The following VAT1L variants were observed in gnomAD, a reference collection of about 807,000 sequenced individuals.
VAT1L encodes the protein vesicle amine transport 1 like.
Under a neutral mutation model 44.1 loss-of-function variants are expected in VAT1L, and 34 were observed. The ratio of observed to expected loss-of-function variants is 0.77; its 90% CI spans 0.59 to 1.03. The LOEUF (loss-of-function observed/expected upper bound fraction) is 1.03, where lower values mean the gene tolerates loss of function less well. VAT1L is among the 50% of genes least tolerant of loss of function. VAT1L has a pLI of 0.00. For synonymous variants in VAT1L, 253 were observed against 202.2 expected, an observed-to-expected ratio of 1.25 and a Z score of -2.13; for missense variants, 615 against 538.8, an observed-to-expected ratio of 1.14 and a Z score of -1.40.
chr16:77,813,165 T>C (rs2016294408), intron 1 of VAT1L, among the ~76,000 whole-genome samples: 2 of 152,056 alleles, frequency 1.3e-5, no homozygotes, highest in African/African-American at 4.8e-5. Flanking sequence ...TTTTTTATTT[T>C]ATTTTATTTT....
intron 3 of VAT1L, among the ~76,000 whole-genome samples, chr16:77,830,152 T>C (rs138203360): frequency 7.9e-4 from 120 of 152,224 alleles, no homozygotes; most frequent in African/African-American, 2.7e-3. Context: ...CCTGACCTTC[T>C]CACTCTACTC....
intron 3 of VAT1L, among the ~76,000 whole-genome samples, chr16:77,857,057 C>A (rs951881832): frequency 1.3e-5 from 2 of 152,312 alleles, no homozygotes; most frequent in East Asian, 3.9e-4. Flanking sequence ...GAAGCCGCAG[C>A]TGCTATTAAT....
chr16:77,890,922 G>A (rs1210893098), intron 7 of VAT1L, among the ~76,000 whole-genome samples: 1 of 129,126 alleles, frequency 7.7e-6, no homozygotes, highest in Non-Finnish European at 1.7e-5. Context: ...AGACCCTGTC[G>A]AAAAAAAAAA....
chr16:77,974,727 T>C (rs1248356650), intron 8 of VAT1L, among the ~76,000 whole-genome samples: 1 of 152,076 alleles, frequency 6.6e-6, no homozygotes, highest in African/African-American at 2.4e-5. Flanking sequence ...CACACCCAGC[T>C]AATTTTTTTT....
chr16:77,888,131 C>A (rs1351197937), intron 7 of VAT1L, among the ~76,000 whole-genome samples: 1 of 152,220 alleles, frequency 6.6e-6, no homozygotes, highest in Non-Finnish European at 1.5e-5. Flanking sequence ...TACAGAGAAG[C>A]CTTCCCCAGC....
chr16:77,903,524 G>C (rs972580616), intron 7 of VAT1L, among the ~76,000 whole-genome samples: 1 of 152,068 alleles, frequency 6.6e-6, no homozygotes, highest in African/African-American at 2.4e-5. Context: ...TCTAAGCCAA[G>C]CATTGGACTG....
chr16:77,898,932 GC>G (rs2017352629), intron 7 of VAT1L, among the ~76,000 whole-genome samples: 1 of 152,184 alleles, frequency 6.6e-6, no homozygotes, highest in South Asian at 2.1e-4. Context: ...TAAACTGTTA[GC>G]TTGTTTTGGG....
At position 77,826,155 on chromosome 16, in the gene VAT1L, C is replaced by T. The variant is rs1371188693; in HGVS notation, c.579+694C>T. Among the ~76,000 whole-genome samples the T allele has an allele frequency of 3.3e-5, 5 of 149,484 alleles. No homozygotes were observed. In the East Asian group the frequency reaches 5.9e-4, roughly 18 times the overall value. On this transcript the variant is annotated intron_variant, in intron 3 of 8. Coordinates refer to ENST00000302536, the MANE Select transcript of VAT1L (RefSeq NM_020927.3). ...CCGGGAGGCAGAGCTTGCAGTGAGC[C>T]GAGATCCCGCCACTGCACTCCAGCC...
chr16:77,943,519 C>T lies in VAT1L; in HGVS notation c.1078-28331C>T, dbSNP rs569058688. Among the ~76,000 whole-genome samples the T allele has an allele frequency of 5.9e-5, 9 of 151,650 alleles. No homozygotes were observed. In the South Asian group the frequency reaches 1.5e-3, roughly 25 times the overall value. ...GGTTCACGCCATTCTCCTGCCTAAG[C>T]CTCCCTAGTAGCTGGGACTACAGGT... On this transcript the variant is annotated intron_variant, in intron 7 of 8. Coordinates refer to ENST00000302536, the MANE Select transcript of VAT1L (RefSeq NM_020927.3).
At chr16:77,874,774 A>G (rs2017069590) in intron 4 of VAT1L, among the ~76,000 whole-genome samples, 1 of 150,964 alleles carries the variant, frequency 6.6e-6, no homozygotes, top group East Asian at 2.0e-4. Flanking sequence ...AGAAAGCAAT[A>G]TACTACATCC....
chr16:77,884,170 T>A lies in VAT1L; in HGVS notation c.883-438T>A, dbSNP rs992555526. 2.6e-5 allele frequency among the ~76,000 whole-genome samples: 4 copies of A among 151,874 alleles called. No homozygotes were observed. The highest frequency in any genetic ancestry group is 7.3e-5 in the African/African-American group (3 of 41,318). ...CAGTGCCTAGAAAAATAGATGCTTTTAAAAAAAATACACCACTGTCCAAGG... is the reference window on the plus strand; with the variant it reads ...CAGTGCCTAGAAAAATAGATGCTTTAAAAAAAAATACACCACTGTCCAAGG... On this transcript the variant is annotated intron_variant, in intron 6 of 8. Coordinates refer to ENST00000302536, the MANE Select transcript of VAT1L (RefSeq NM_020927.3). The surrounding 1 kb of genome is among the most constrained non-coding windows in gnomAD (Gnocchi z 4.5).
chr16:77,864,108 C>A (rs904451931), intron 4 of VAT1L, among the ~76,000 whole-genome samples: 6 of 152,164 alleles, frequency 3.9e-5, no homozygotes, highest in African/African-American at 1.4e-4. Context: ...CAGCTGCCAT[C>A]ATGGTTTTAG....
At chr16:77,852,701 C>T (rs2016819302) in intron 3 of VAT1L, among the ~76,000 whole-genome samples, 1 of 152,134 alleles carries the variant, frequency 6.6e-6, no homozygotes, top group Non-Finnish European at 1.5e-5. Context: ...GCGTAACTTA[C>T]CAGGAAGAGG....
At chr16:77,965,140 T>C (rs2018209434) in intron 7 of VAT1L, among the ~76,000 whole-genome samples, 1 of 152,114 alleles carries the variant, frequency 6.6e-6, no homozygotes, top group African/African-American at 2.4e-5. Context: ...TAAGGGAAAC[T>C]GTGATTCCCC....
At chr16:77,796,869 A>G (rs886808210) in intron 1 of VAT1L, among the ~76,000 whole-genome samples, 3 of 152,218 alleles carry the variant, frequency 2.0e-5, no homozygotes, top group Non-Finnish European at 4.4e-5. Context: ...AAAGGGAAAT[A>G]ACTCAGAAAC....
intron 1 of VAT1L, among the ~76,000 whole-genome samples, chr16:77,794,248 T>C (rs2015887557): frequency 6.6e-6 from 1 of 152,130 alleles, no homozygotes; most frequent in African/African-American, 2.4e-5. Flanking sequence ...TGATTTGAAA[T>C]ACAACTGCTA....
At position 77,922,625 on chromosome 16, in the gene VAT1L, C is replaced by G. The variant is rs541463961; in HGVS notation, c.1077+37823C>G. 1.8e-4 allele frequency among the ~76,000 whole-genome samples: 28 copies of G among 152,212 alleles called. 1 individual carries two copies. The South Asian group carries it at 5.8e-3, about 32-fold the overall frequency. ...CAGTGGAGAAGTAGGGAAACAGCCT[C>G]GAAAATAGGGCAAAGGGAGAGGACG... is the stretch of plus-strand genomic sequence containing the variant. On this transcript the variant is annotated intron_variant, in intron 7 of 8. Coordinates refer to ENST00000302536, the MANE Select transcript of VAT1L (RefSeq NM_020927.3).
At position 77,978,584 on chromosome 16, in the gene VAT1L, C is replaced by T. The variant is rs1056010714; in HGVS notation, c.*889C>T. 1.3e-5 allele frequency: 2 copies of T among 152,210 alleles called. No individual in the cohort carries two copies. Among genetic ancestry groups the T allele is most frequent in the African/African-American group, 2.4e-5 (1 of 41,456 alleles). The allele number at this position is 152,210 out of a possible 1,614,324, so 9.4% of individuals were successfully genotyped here. A position where few individuals can be genotyped will look rare whatever the true frequency, so the allele number is the denominator to read the frequency against. The stretch of plus-strand genomic sequence containing the variant: ...CCTGGTGGAAAGTGACCACTTTGAC[C>T]ATGGATTTCCCAAAGAAGAGTTCCT... On this transcript the variant is annotated 3_prime_UTR_variant, in exon 9 of 9. Coordinates refer to ENST00000302536, the MANE Select transcript of VAT1L (RefSeq NM_020927.3).
chr16:77,839,290 C>T (rs2145257887), intron 3 of VAT1L, among the ~76,000 whole-genome samples: 2 of 152,012 alleles, frequency 1.3e-5, no homozygotes, highest in East Asian at 3.9e-4. Flanking sequence ...AATCCTAGCA[C>T]TTTGGGAGGC....
Sources: gnomAD v4.1 joint callset for allele counts (sites outside exome capture counted in the v4.1 genomes callset) on GRCh38, gnomAD v4.1.1 for gene constraint, Gnocchi (gnomAD v3.1) non-coding constraint, MANE v1.5 for transcripts, NCBI Gene and HGNC (gene_info 2026-07-23, HGNC 2026-07-21) for gene names.